Variants in ITIH2 observed in about 807,000 individuals in gnomAD.
ITIH2 encodes inter-alpha-trypsin inhibitor heavy chain H2.
Under a neutral mutation model 104.4 loss-of-function variants are expected in ITIH2, and 103 were observed. The observed-to-expected ratio is 0.99, with a 90% CI of 0.84 to 1.16. The LOEUF is 1.16. Ranked by LOEUF, ITIH2 falls within the 50% of genes most tolerant of loss-of-function variation. The pLI is 0.00. For missense variants in ITIH2, 1,108 were observed against 1,162.4 expected (o/e 0.95, Z 0.68); for synonymous variants, 436 against 435.4 (o/e 1.00, Z -0.02).
At chr10:7,743,406 T>A (rs1019693318) in intron 17 of ITIH2, 147 bp downstream of exon 17, 4 of 543,780 alleles carry the variant, frequency 7.4e-6, no homozygotes, top group African/African-American at 6.0e-5. Flanking sequence ...AATATATTCT[T>A]AACTATTTTG....
Position 7,716,615 on chromosome 10 carries a change from A to C in ITIH2, c.468-1011A>C, listed in dbSNP as rs182573289. On this transcript the variant is annotated intron_variant, in intron 5 of 20. Transcript: ENST00000358415. ...GCTGGGCATGGTGGCGCATGCCTGT[A>C]GTCCCAGCTACTCGGGATGCTGAGG... 2.1e-4 allele frequency among the ~76,000 whole-genome samples: 32 copies of C among 151,626 alleles called. 1 individual carries two copies. Among genetic ancestry groups the C allele is most frequent in the Non-Finnish European group, 4.4e-4 (30 of 67,928 alleles).
intron 12 of ITIH2, 47 bp from the exon 13 acceptor site, chr10:7,731,763 AC>A (rs1564303778): frequency 5.4e-6 from 7 of 1,287,176 alleles, no homozygotes; most frequent in Non-Finnish European, 6.5e-6. Flanking sequence ...CTTTAGATCT[AC>A]AAAGCAGTAG....
rs1835217024 is a variant in ITIH2 at position 7,749,472 on chromosome 10, T to C, written c.*138T>C. 1 of 689,480 alleles carries C rather than the reference T, an allele frequency of 1.5e-6. No homozygotes were observed. Among genetic ancestry groups the C allele is most frequent in the Non-Finnish European group, 2.4e-6 (1 of 420,484 alleles). The allele number at this position is 689,480 out of a possible 1,614,324, so 42.7% of individuals were successfully genotyped here. On this transcript the variant is annotated 3_prime_UTR_variant, in exon 21 of 21. Transcript: ENST00000358415. ...TAAAATGAACCAGATATCAGGGTGGTTTATAAAGCCTGTAAACACACCTAA... is the reference window on the plus strand; with the variant it reads ...TAAAATGAACCAGATATCAGGGTGGCTTATAAAGCCTGTAAACACACCTAA...
intron 5 of ITIH2, among the ~76,000 whole-genome samples, chr10:7,715,829 CT>C (rs1834843947): frequency 1.3e-5 from 2 of 152,172 alleles, no homozygotes; most frequent in Non-Finnish European, 2.9e-5. Flanking sequence ...CAACATCCAC[CT>C]CCCAGGTCTA....
At chr10:7,717,897 A>C in intron 6 of ITIH2, 109 bp downstream of exon 6, 2 of 1,066,684 alleles carry the variant, frequency 1.9e-6, no homozygotes, top group Non-Finnish European at 2.8e-6. Context: ...ATGCCACTCA[A>C]CTCTACAAGA....
chr10:7,740,370 T>C (rs1835112852), intron 16 of ITIH2, among the ~76,000 whole-genome samples: 1 of 152,304 alleles, frequency 6.6e-6, no homozygotes, highest in Non-Finnish European at 1.5e-5. Context: ...CCACGAACCA[T>C]GCAGAAGTCT....
intron 5 of ITIH2, among the ~76,000 whole-genome samples, chr10:7,713,646 A>G (rs1372101092): frequency 6.6e-6 from 1 of 152,204 alleles, no homozygotes; most frequent in African/African-American, 2.4e-5. Flanking sequence ...GAAAAGTTTG[A>G]AATTTGCCTT....
intron 20 of ITIH2, among the ~76,000 whole-genome samples, chr10:7,747,383 A>G (rs1835189232): frequency 6.6e-6 from 1 of 152,200 alleles, no homozygotes; most frequent in Admixed American, 6.5e-5. Flanking sequence ...TAATTAAACC[A>G]TAACATTGTA....
At position 7,726,957 on chromosome 10, in the gene ITIH2, A is replaced by G. The variant is rs1834956233; in HGVS notation, c.992A>G (p.Glu331Gly). 2.5e-6 allele frequency: 4 copies of G among 1,609,130 alleles called. No individual in the cohort carries two copies. The highest frequency in any genetic ancestry group is 1.7e-5 in the Admixed American group (1 of 59,530). ...TATTCTCTATTGAAATAGACTGTGGAAGCAATGAAGACCATATTGGATGAC... is the reference window on the plus strand; with the variant it reads ...TATTCTCTATTGAAATAGACTGTGGGAGCAATGAAGACCATATTGGATGAC... ...MWGVKMKQTV[E>G]AMKTILDDLR... is the part of the protein sequence containing the mutation. The change falls in exon 10 of 21, where the codon GAA becomes GGA. Residue 331 changes from glutamate to glycine, a missense_variant. Coordinates refer to ENST00000358415, the MANE Select transcript of ITIH2 (RefSeq NM_002216.3).
rs377111707 is a variant in ITIH2, at chr10:7,717,633, G to A, written c.475G>A (p.Ala159Thr). The change falls in exon 6 of 21, where the codon GCT (alanine) becomes ACT (threonine). Residue 159 changes from alanine (A) to threonine (T), a missense_variant. By Grantham distance (58) the Ala-to-Thr change is moderately conservative. Coordinates refer to ENST00000358415, the MANE Select transcript of ITIH2 (RefSeq NM_002216.3). ...GKTAGLVRSS[A>T]LDMENFRTEV... Reference sequence around the variant, plus strand: ...GGGGGCTTTCACCTTTAGGAGCAGCGCTCTTGATATGGAAAACTTCAGAAC... The same window carrying A: ...GGGGGCTTTCACCTTTAGGAGCAGCACTCTTGATATGGAAAACTTCAGAAC... 1.7e-5 allele frequency: 27 copies of A among 1,613,156 alleles called. No individual in the cohort carries two copies. The highest frequency in any genetic ancestry group is 9.3e-5 in the African/African-American group (7 of 74,928).
Position 7,703,400 on chromosome 10 carries a change from C to T in ITIH2, c.-35C>T. On this transcript the variant is annotated 5_prime_UTR_variant, in exon 1 of 21. Transcript: ENST00000358415. ...AGAAGTGATATCCTCCCCAGACCATCTGCTTTGGGGAGCTTGGCAAAACTG... is the reference window on the plus strand; with the variant it reads ...AGAAGTGATATCCTCCCCAGACCATTTGCTTTGGGGAGCTTGGCAAAACTG... 5 of 1,464,730 alleles carry T rather than the reference C, an allele frequency of 3.4e-6. No homozygotes were observed. Among genetic ancestry groups the T allele is most frequent in the Non-Finnish European group, 3.8e-6 (4 of 1,043,796 alleles). The allele number at this position is 1,464,730 out of a possible 1,614,324, so 90.7% of individuals were successfully genotyped here.
chr10:7,705,749 A>G (rs976111839), intron 2 of ITIH2, among the ~76,000 whole-genome samples: 5 of 151,820 alleles, frequency 3.3e-5, no homozygotes, highest in Non-Finnish European at 5.9e-5. Context: ...TTTCTTCAAA[A>G]CTTAAGATTC....
Position 7,719,827 on chromosome 10 carries a change from A to G in ITIH2, c.631-1029A>G, listed in dbSNP as rs189509418. ...AATAGCAGCTAAGTAACTCAGAAACAGAAAATCAAATACCACAGGTTCTCA... is the reference window on the plus strand; with the variant it reads ...AATAGCAGCTAAGTAACTCAGAAACGGAAAATCAAATACCACAGGTTCTCA... On this transcript the variant is annotated intron_variant, in intron 6 of 20. Transcript: ENST00000358415. 4.0e-3 allele frequency among the ~76,000 whole-genome samples: 600 copies of G among 149,862 alleles called. 5 individuals are homozygous for G. Among genetic ancestry groups the G allele is most frequent in the African/African-American group, 0.014 (557 of 40,666 alleles).
At chr10:7,731,690 A>C in intron 12 of ITIH2, 121 bp from the exon 13 acceptor site, 1 of 670,126 alleles carries the variant, frequency 1.5e-6, no homozygotes, top group Non-Finnish European at 2.3e-6. Context: ...CCACCACTGC[A>C]CTCCAGCCTG....
In ITIH2 at chr10:7,707,365, T is replaced by A. The variant is rs1164993503; in HGVS notation, c.192+132T>A. ...CTTTCGAAATACTGCCTTGCCCAACTGTTTGCAAGTGTTTCTAAAATTCAG... is the reference window on the plus strand; with the variant it reads ...CTTTCGAAATACTGCCTTGCCCAACAGTTTGCAAGTGTTTCTAAAATTCAG... On this transcript the variant is annotated intron_variant, in intron 3 of 20. Transcript: ENST00000358415. The A allele has an allele frequency of 2.8e-5, 18 of 651,110 alleles. No individual in the cohort carries two copies. The East Asian group carries it at 4.6e-4, about 17-fold the overall frequency. 40.3% of individuals were successfully genotyped at this position (651,110 alleles called of 1,614,324 possible).
intron 14 of ITIH2, among the ~76,000 whole-genome samples, chr10:7,732,948 C>T (rs901931776): frequency 2.6e-5 from 4 of 152,138 alleles, no homozygotes; most frequent in Non-Finnish European, 5.9e-5. Flanking sequence ...AGGATGGTCT[C>T]GGTCTCCTGA....
rs192547472 is a variant in ITIH2 at position 7,721,888 on chromosome 10, T to C, written c.867+111T>C. On this transcript the variant is annotated intron_variant, in intron 8 of 20. Coordinates refer to ENST00000358415, the MANE Select transcript of ITIH2 (RefSeq NM_002216.3). Reference sequence around the variant, plus strand: ...GTTTCTAGCTGCCAGGGCAAGTGTTTCTAGCTGCAGAGAAGGGACTAAAAT... The same window carrying C: ...GTTTCTAGCTGCCAGGGCAAGTGTTCCTAGCTGCAGAGAAGGGACTAAAAT... 254 of 1,163,564 alleles carry C rather than the reference T, an allele frequency of 2.2e-4. No homozygotes were observed. In the East Asian group the frequency reaches 5.2e-3, roughly 24 times the overall value. 72.1% of individuals were successfully genotyped at this position (1,163,564 alleles called of 1,614,324 possible).
rs201922110 is a variant in ITIH2, at chr10:7,703,395, A to T, written c.-40A>T. On this transcript the variant is annotated 5_prime_UTR_variant, in exon 1 of 21. Transcript: ENST00000358415. ...TAGGAAGAAGTGATATCCTCCCCAGACCATCTGCTTTGGGGAGCTTGGCAA... is the reference window on the plus strand; with the variant it reads ...TAGGAAGAAGTGATATCCTCCCCAGTCCATCTGCTTTGGGGAGCTTGGCAA... 7.2e-7 allele frequency: 1 copy of T among 1,397,432 alleles called. No individual in the cohort carries two copies. The highest frequency in any genetic ancestry group is 1.4e-5 in the African/African-American group (1 of 70,516). 86.6% of individuals were successfully genotyped at this position (1,397,432 alleles called of 1,614,324 possible).
intron 5 of ITIH2, among the ~76,000 whole-genome samples, chr10:7,715,155 G>A (rs996008996): frequency 5.3e-5 from 8 of 152,192 alleles, no homozygotes; most frequent in Non-Finnish European, 7.3e-5. Context: ...AGGCGTGGTG[G>A]CTCACGCCTG....
Sources: allele counts gnomAD v4.1 joint callset (sites outside exome capture counted in the v4.1 genomes callset), GRCh38; gene constraint gnomAD v4.1.1; transcripts MANE v1.5; gene names NCBI Gene and HGNC (gene_info 2026-07-23, HGNC 2026-07-21).